The following AKT3 variants were observed in gnomAD, a reference collection of about 807,000 sequenced individuals.
AKT3 encodes RAC-gamma serine/threonine-protein kinase.
A neutral mutation model predicts 65.3 loss-of-function variants in AKT3; 15 were observed. That is an observed-to-expected ratio of 0.23 (90% CI 0.15 to 0.35). The LOEUF (loss-of-function observed/expected upper bound fraction) is 0.35. Ranked by LOEUF, AKT3 falls within the 10% of genes least tolerant of loss-of-function variation. The pLI, the probability that AKT3 is intolerant of heterozygous loss-of-function variation, is 1.00. For missense variants in AKT3, 243 were observed against 576.5 expected, an observed-to-expected ratio of 0.42 and a Z score of 5.92; for synonymous variants, 206 against 183.8, an observed-to-expected ratio of 1.12 and a Z score of -0.98.
At chr1:243,699,644 A>G (rs1685314753) in intron 2 of AKT3, among the ~76,000 whole-genome samples, 2 of 151,606 alleles carry the variant, frequency 1.3e-5, no homozygotes, top group Non-Finnish European at 2.9e-5. Flanking sequence ...GGCTTCTGGT[A>G]GTGAGGTGAG....
chr1:243,551,908 C>T (rs6694738), intron 11 of AKT3, among the ~76,000 whole-genome samples: 15 of 152,004 alleles, frequency 9.9e-5, no homozygotes, highest in Non-Finnish European at 1.8e-4. Context: ...GCTGTAGCTA[C>T]AAAAACAGAA....
At chr1:243,813,033 TG>T (rs1394504584) in intron 2 of AKT3, among the ~76,000 whole-genome samples, 2 of 23,750 alleles carry the variant, frequency 8.4e-5, no homozygotes, top group East Asian at 1.7e-3. Context: ...TGTTGTGGGG[TG>T]GGGGGAGGGG....
At chr1:243,552,141 T>A (rs1031960941) in intron 11 of AKT3, among the ~76,000 whole-genome samples, 1 of 151,364 alleles carries the variant, frequency 6.6e-6, no homozygotes, top group African/African-American at 2.4e-5. Flanking sequence ...AACACAAAAA[T>A]TAGACAGGCG....
chr1:243,539,986 G>T (rs951048410), intron 12 of AKT3, among the ~76,000 whole-genome samples: 16 of 152,106 alleles, frequency 1.1e-4, no homozygotes, highest in African/African-American at 3.6e-4. Flanking sequence ...GGTCTAGGGA[G>T]AGCTTCACTA....
At chr1:243,548,219 C>G (rs1672810133) in intron 11 of AKT3, 1 of 152,184 alleles carries the variant, frequency 6.6e-6, no homozygotes, top group Non-Finnish European at 1.5e-5. Context: ...ATGGCATTTT[C>G]TTACACTTAT....
chr1:243,817,481 C>T (rs1693601477), intron 2 of AKT3, among the ~76,000 whole-genome samples: 1 of 152,196 alleles, frequency 6.6e-6, no homozygotes, highest in Admixed American at 6.5e-5. Context: ...TGGCTCACGC[C>T]TGTAATCCCA....
At chr1:243,798,745 T>A (rs1172731712) in intron 2 of AKT3, among the ~76,000 whole-genome samples, 1 of 152,134 alleles carries the variant, frequency 6.6e-6, no homozygotes, top group Non-Finnish European at 1.5e-5. Flanking sequence ...CTCCACAACA[T>A]CCAGCTTTTT....
At chr1:243,513,122 G>C (rs1379177320) in intron 12 of AKT3, among the ~76,000 whole-genome samples, 1 of 152,208 alleles carries the variant, frequency 6.6e-6, no homozygotes, top group South Asian at 2.1e-4. Context: ...CGGCAGGCAT[G>C]GCGTTAGGGA....
At chr1:243,792,686 A>C (rs185335694) in intron 2 of AKT3, among the ~76,000 whole-genome samples, 1 of 152,314 alleles carries the variant, frequency 6.6e-6, no homozygotes, top group East Asian at 1.9e-4. Context: ...TTTAAAAATA[A>C]AGGTGAGAGC....
At chr1:243,720,815 G>A (rs79619579) in intron 2 of AKT3, among the ~76,000 whole-genome samples, 1 of 151,970 alleles carries the variant, frequency 6.6e-6, no homozygotes, top group African/African-American at 2.4e-5. Flanking sequence ...CAACTATTCC[G>A]AAAAGCTCAC....
At chr1:243,706,693 T>G (rs1221486020) in intron 2 of AKT3, among the ~76,000 whole-genome samples, 2 of 152,144 alleles carry the variant, frequency 1.3e-5, no homozygotes, top group African/African-American at 4.8e-5. Flanking sequence ...CACAGCATGT[T>G]AAGTGGTGAA....
intron 13 of AKT3, chr1:243,489,238 A>G (rs897101260): frequency 1.4e-6 from 2 of 1,471,694 alleles, no homozygotes; most frequent in South Asian, 1.3e-5. Context: ...CACGGATCAC[A>G]TCGGTTAGCA....
chr1:243,805,250 C>A (rs1023628394), intron 2 of AKT3, among the ~76,000 whole-genome samples: 7 of 152,056 alleles, frequency 4.6e-5, no homozygotes, highest in African/African-American at 1.7e-4. Flanking sequence ...GCTCACCTTC[C>A]CTCTGGACCA....
intron 2 of AKT3, among the ~76,000 whole-genome samples, chr1:243,841,107 G>C (rs1428320103): frequency 6.6e-6 from 1 of 151,818 alleles, no homozygotes; most frequent in African/African-American, 2.4e-5. Flanking sequence ...CACATTATTA[G>C]AAACACATAC....
intron 2 of AKT3, among the ~76,000 whole-genome samples, chr1:243,761,705 A>G (rs1689500486): frequency 6.6e-6 from 1 of 152,174 alleles, no homozygotes; most frequent in Non-Finnish European, 1.5e-5. Context: ...AATGACAACT[A>G]CAAGCAAAGC....
chr1:243,526,779 T>TTTAAAAA (rs1671125948), intron 12 of AKT3, among the ~76,000 whole-genome samples: 1 of 15,168 alleles, frequency 6.6e-5, no homozygotes, highest in African/African-American at 2.4e-4. Flanking sequence ...AAAAAATGGT[T>TTTAAAAA]AAAAAAAAAA....
At chr1:243,610,828 C>A (rs138809734) in intron 8 of AKT3, among the ~76,000 whole-genome samples, 2 of 152,136 alleles carry the variant, frequency 1.3e-5, no homozygotes, top group African/African-American at 4.8e-5. Flanking sequence ...ATGCTTTATA[C>A]TCGTCTGCAC....
chr1:243,798,251 C>G (rs1692155669), intron 2 of AKT3, among the ~76,000 whole-genome samples: 3 of 144,062 alleles, frequency 2.1e-5, no homozygotes, highest in African/African-American at 7.8e-5. Context: ...ACTGTGTCAC[C>G]CAGACTGGAG....
rs376730935 is a variant in AKT3 at position 243,848,921 on chromosome 1, T to C, written c.-113+1119A>G. On this transcript the variant is annotated intron_variant, in intron 1 of 13. Coordinates refer to ENST00000673466, the MANE Select transcript of AKT3 (RefSeq NM_005465.7). ...TATTTTCATAACAACATTATTTTGA[T>C]GGAAGAAATGTGAGCATCCCAGCTT... 2.1e-3 allele frequency among the ~76,000 whole-genome samples: 313 copies of C among 152,348 alleles called. 2 individuals are homozygous for C. Among genetic ancestry groups the C allele is most frequent in the African/African-American group, 7.2e-3 (298 of 41,582 alleles).
Sources: gnomAD v4.1 joint callset for allele counts (sites outside exome capture counted in the v4.1 genomes callset) on GRCh38, gnomAD v4.1.1 for gene constraint, MANE v1.5 for transcripts, NCBI Gene and HGNC (gene_info 2026-07-23, HGNC 2026-07-21) for gene names.